The following TBCD variants were observed in gnomAD, a reference collection of about 807,000 sequenced individuals.
TBCD encodes the protein tubulin-specific chaperone D.
A neutral mutation model predicts 169.3 loss-of-function variants in TBCD; 105 were observed. That is an observed-to-expected ratio of 0.62 (90% CI 0.53 to 0.73). The LOEUF is 0.73. Among genes scored for constraint, TBCD ranks in the 30% least tolerant of loss-of-function variants. TBCD has a pLI of 0.00. For missense variants in TBCD, 1,444 were observed against 1,600.1 expected (o/e 0.90, Z 1.66); for synonymous variants, 700 against 643.9 (o/e 1.09, Z -1.32).
chr17:82,773,548 C>G lies in TBCD; in HGVS notation c.638+1041C>G, dbSNP rs193146852. On this transcript the variant is annotated intron_variant, in intron 6 of 38. Coordinates refer to ENST00000355528, the MANE Select transcript of TBCD (RefSeq NM_005993.5). Reference sequence around the variant, plus strand: ...CCCATGGGGGTGTGATGGCCCCTGTCTCCCTACCGGGTGGCGCCAACTCTG... The same window carrying G: ...CCCATGGGGGTGTGATGGCCCCTGTGTCCCTACCGGGTGGCGCCAACTCTG... Among the ~76,000 whole-genome samples the G allele has an allele frequency of 6.2e-3, 941 of 152,258 alleles. 6 individuals are homozygous for G. Among genetic ancestry groups the G allele is most frequent in the Non-Finnish European group, 0.011 (773 of 68,016 alleles).
intron 26 of TBCD, among the ~76,000 whole-genome samples, chr17:82,924,356 G>A (rs1185446680): frequency 6.6e-6 from 1 of 152,170 alleles, no homozygotes; most frequent in Non-Finnish European, 1.5e-5. Flanking sequence ...AGTAGCATTA[G>A]GCTGGCTTTA....
chr17:82,815,105 G>T (rs1429997308), intron 13 of TBCD, among the ~76,000 whole-genome samples, 171 bp downstream of exon 13: 1 of 152,206 alleles, frequency 6.6e-6, no homozygotes, highest in African/African-American at 2.4e-5. Flanking sequence ...CCATCTCCGC[G>T]GTGTGGCCCT....
At chr17:82,891,461 C>A (rs529608617) in intron 16 of TBCD, among the ~76,000 whole-genome samples, 5 of 152,356 alleles carry the variant, frequency 3.3e-5, no homozygotes, top group Admixed American at 6.5e-5. Flanking sequence ...TGAAGAGACA[C>A]AGACTTTGAA....
intron 13 of TBCD, among the ~76,000 whole-genome samples, chr17:82,853,501 A>G (rs1267999891): frequency 6.6e-6 from 1 of 151,768 alleles, no homozygotes; most frequent in Non-Finnish European, 1.5e-5. Flanking sequence ...CTCATGGGCT[A>G]GATCCATCCC....
chr17:82,800,340 GTCCTGCTATT>G (rs2050416065), intron 8 of TBCD, among the ~76,000 whole-genome samples: 1 of 152,078 alleles, frequency 6.6e-6, no homozygotes, highest in Non-Finnish European at 1.5e-5. Context: ...TCAGCCTCCT[GTCCTGCTATT>G]GTCATCACTG....
chr17:82,900,686 C>T lies in TBCD; in HGVS notation c.1685C>T (p.Pro562Leu), dbSNP rs1250694288. The change falls in exon 18 of 39, where the codon CCA becomes CTA. Residue 562 changes from proline to leucine, a missense_variant. Coordinates refer to ENST00000355528, the MANE Select transcript of TBCD (RefSeq NM_005993.5). ...GCCGGCTTTCCTGAGTACACGCAGC[C>T]AATGATAGACCACCTGGTTACCATG... is the stretch of plus-strand genomic sequence containing the variant. ...FIAGFPEYTQ[P>L]MIDHLVTMKI... The T allele has an allele frequency of 6.2e-7, 1 of 1,614,008 alleles. No homozygotes were observed.
intron 13 of TBCD, among the ~76,000 whole-genome samples, chr17:82,863,983 C>T (rs1351468956): frequency 6.6e-6 from 1 of 152,174 alleles, no homozygotes; most frequent in Admixed American, 6.5e-5. Context: ...AGATTACCAC[C>T]CTCAGGACTA....
intron 13 of TBCD, chr17:82,838,525 G>A (rs1292528480): frequency 2.1e-6 from 1 of 483,236 alleles, no homozygotes; most frequent in Admixed American, 6.4e-5. Flanking sequence ...CATTGTGAAG[G>A]GCATGCTGTA....
intron 13 of TBCD, among the ~76,000 whole-genome samples, chr17:82,817,746 A>G (rs574041769): frequency 1.8e-4 from 28 of 152,094 alleles, no homozygotes; most frequent in African/African-American, 6.3e-4. Flanking sequence ...TGTGTTTTCA[A>G]TTTCTTTGAT....
chr17:82,788,053 A>G (rs1303660078), intron 7 of TBCD, among the ~76,000 whole-genome samples: 1 of 152,152 alleles, frequency 6.6e-6, no homozygotes, highest in East Asian at 1.9e-4. Flanking sequence ...CCTGGCCAAC[A>G]TGGTGAAACC....
At chr17:82,799,441 CAAAAAAAAA>C (rs61017445) in intron 8 of TBCD, among the ~76,000 whole-genome samples, 2 of 72,620 alleles carry the variant, frequency 2.8e-5, no homozygotes, top group East Asian at 4.7e-4. Context: ...GACTCTGTCT[CAAAAAAAAA>C]AAAAAAAAAA....
At chr17:82,759,850 A>G (rs201085391) in intron 2 of TBCD, among the ~76,000 whole-genome samples, 1 of 137,026 alleles carries the variant, frequency 7.3e-6, no homozygotes, top group Non-Finnish European at 1.7e-5. Flanking sequence ...CCATTGACCT[A>G]TCTGTATGCT....
intron 15 of TBCD, among the ~76,000 whole-genome samples, chr17:82,887,188 C>T (rs62074030): frequency 0.26 from 37,775 of 147,726 alleles, 4,867 homozygotes; most frequent in Middle Eastern, 0.32. Flanking sequence ...CGCACGTGCG[C>T]TCACGCGTTT....
chr17:82,829,403 C>CT (rs1378690671), intron 13 of TBCD: 1 of 146,254 alleles, frequency 6.8e-6, no homozygotes, highest in South Asian at 2.2e-4. Flanking sequence ...GCTATCAGCT[C>CT]TTTTTCATTG....
At chr17:82,836,550 G>A (rs75062994) in intron 13 of TBCD, among the ~76,000 whole-genome samples, 1,618 of 152,074 alleles carry the variant, frequency 0.011, 30 homozygotes, top group African/African-American at 0.036. Flanking sequence ...TTTCGAAGCC[G>A]CATTATTTCA....
At chr17:82,788,744 C>T (rs546760388) in intron 7 of TBCD, among the ~76,000 whole-genome samples, 7 of 152,002 alleles carry the variant, frequency 4.6e-5, no homozygotes, top group Admixed American at 2.6e-4. Context: ...GTGTGTGGGC[C>T]GGGAACCAGG....
intron 20 of TBCD, among the ~76,000 whole-genome samples, chr17:82,906,421 T>C (rs1055438089): frequency 1.3e-5 from 2 of 152,276 alleles, no homozygotes; most frequent in African/African-American, 4.8e-5. Flanking sequence ...GCGACTTGCA[T>C]GTTCAGTATC....
rs950387590 is a variant in TBCD, at chr17:82,842,892, T to G, written c.1319-27332T>G. Among the ~76,000 whole-genome samples the G allele has an allele frequency of 2.6e-5, 4 of 151,908 alleles. No homozygotes were observed. In the East Asian group the frequency reaches 5.8e-4, roughly 22 times the overall value. On this transcript the variant is annotated intron_variant, in intron 13 of 38. Coordinates refer to ENST00000355528, the MANE Select transcript of TBCD (RefSeq NM_005993.5). ...ACCTCCCATGTTCACGCCATTCTCT[T>G]GCCTCAGCCTCCCAAGTAGCTGGGA...
intron 35 of TBCD, chr17:82,937,756 C>A: frequency 9.7e-7 from 1 of 1,033,464 alleles, no homozygotes; most frequent in Non-Finnish European, 1.4e-6. Context: ...GGCACCTTGG[C>A]TGCTCTGTGG....
Sources: gnomAD v4.1 joint callset for allele counts (sites outside exome capture counted in the v4.1 genomes callset) on GRCh38, gnomAD v4.1.1 for gene constraint, MANE v1.5 for transcripts, NCBI Gene and HGNC (gene_info 2026-07-23, HGNC 2026-07-21) for gene names.